Variants in KIF15 observed in about 807,000 individuals in gnomAD.
The protein encoded by KIF15 is kinesin-like protein KIF15.
KIF15 carries 140 observed loss-of-function variants against 190.6 expected under a neutral mutation model. The ratio of observed to expected loss-of-function variants is 0.73; its 90% CI spans 0.64 to 0.84. The LOEUF is 0.84. Ranked by LOEUF, KIF15 falls within the 40% of genes least tolerant of loss-of-function variation. KIF15 has a pLI of 0.00. For missense variants in KIF15, 1,372 were observed against 1,584.4 expected, an observed-to-expected ratio of 0.87 and a Z score of 2.28; for synonymous variants, 528 against 551.3, an observed-to-expected ratio of 0.96 and a Z score of 0.59.
chr3:44,832,603 A>G (rs1698123428), intron 26 of KIF15, among the ~76,000 whole-genome samples: 1 of 152,190 alleles, frequency 6.6e-6, no homozygotes, highest in Non-Finnish European at 1.5e-5. Context: ...TATACATACC[A>G]GTTTTGAATT....
chr3:44,773,059 C>G (rs1705708334), intron 1 of KIF15, among the ~76,000 whole-genome samples: 1 of 150,776 alleles, frequency 6.6e-6, no homozygotes, highest in South Asian at 2.2e-4. Context: ...ACCAACCTCA[C>G]AAATCCTTTT....
chr3:44,804,950 C>T (rs768939020), intron 14 of KIF15, 77 bp from the exon 15 acceptor site: 15 of 1,470,456 alleles, frequency 1.0e-5, no homozygotes, highest in Non-Finnish European at 1.4e-5. Flanking sequence ...AGCCACTGCA[C>T]TCTAGCCTGG....
In KIF15 at chr3:44,775,263, T is replaced by C. The variant is rs962125154; in HGVS notation, c.72T>C (p.Gly24=). 3 of 1,612,908 alleles carry C rather than the reference T, an allele frequency of 1.9e-6. No individual in the cohort carries two copies. The highest frequency in any genetic ancestry group is 2.7e-5 in the African/African-American group (2 of 74,812). ...NGQSNQPSNE[G]DAIKVFVRIR... is the part of the protein sequence containing the mutation. ...TTTTTTTTGTCTTTAGTAATGAAGG[T>C]GATGCCATCAAAGTTTTTGTGCGAA... is the stretch of plus-strand genomic sequence containing the variant. Residue 24 remains glycine (G), a synonymous_variant, in exon 3 of 35, where the codon GGT becomes GGC. Coordinates refer to ENST00000326047, the MANE Select transcript of KIF15 (RefSeq NM_020242.3).
intron 20 of KIF15, among the ~76,000 whole-genome samples, chr3:44,820,098 G>T (rs1708197695): frequency 6.6e-6 from 1 of 151,942 alleles, no homozygotes; most frequent in Non-Finnish European, 1.5e-5. Flanking sequence ...CATTTGCTTG[G>T]TAGATCTTCC....
chr3:44,769,026 C>G (rs1705532849), intron 1 of KIF15, among the ~76,000 whole-genome samples: 1 of 152,014 alleles, frequency 6.6e-6, no homozygotes, highest in African/African-American at 2.4e-5. Flanking sequence ...AAATTTTTAC[C>G]CTTTTGCTGG....
intron 1 of KIF15, among the ~76,000 whole-genome samples, chr3:44,763,664 T>C (rs1173396721): frequency 2.0e-5 from 3 of 151,016 alleles, no homozygotes; most frequent in African/African-American, 4.9e-5. Flanking sequence ...ATCAGAGAAA[T>C]GAAAAAGTGA....
At chr3:44,845,721 A>C (rs1698819034) in intron 30 of KIF15, among the ~76,000 whole-genome samples, 1 of 151,866 alleles carries the variant, frequency 6.6e-6, no homozygotes, top group Admixed American at 6.6e-5. Context: ...TATCACAAGA[A>C]ATTCCTGCAG....
At chr3:44,857,173 T>C (rs750293633), downstream of KIF15, among the ~76,000 whole-genome samples, 6 of 152,030 alleles carry the variant, frequency 3.9e-5, no homozygotes, top group Non-Finnish European at 7.4e-5. Context: ...TCCAGAATAA[T>C]GTGGGAGGCC....
chr3:44,797,564 TA>T lies in KIF15; in HGVS notation c.866del (p.Asn289IlefsTer4), dbSNP rs1164738726. 1 of 1,613,992 alleles carries T rather than the reference TA, an allele frequency of 6.2e-7. No homozygotes were observed. Among genetic ancestry groups the T allele is most frequent in the Admixed American group, 1.7e-5 (1 of 59,960 alleles). On this transcript the variant is annotated frameshift_variant, in exon 9 of 35. Coordinates refer to ENST00000326047, the MANE Select transcript of KIF15 (RefSeq NM_020242.3). LOFTEE classifies it high-confidence loss of function. ...TCAACACTTTAGGAAGCAGGTAACA[TA>T]AATCGATCATTGAGCTGCCTGGGCC... The part of the protein sequence containing the change: ...EGMRLKEAGN[I>X]NRSLSCLGQV...
At chr3:44,763,921 C>T (rs1239370179) in intron 1 of KIF15, among the ~76,000 whole-genome samples, 1 of 152,072 alleles carries the variant, frequency 6.6e-6, no homozygotes, top group Non-Finnish European at 1.5e-5. Flanking sequence ...CTCCTGAACT[C>T]AAGCAATCCA....
At position 44,815,045 on chromosome 3, in the gene KIF15, A is replaced by T. The variant is rs555665907; in HGVS notation, c.2518A>T (p.Met840Leu). 4 of 1,604,080 alleles carry T rather than the reference A, an allele frequency of 2.5e-6. No individual in the cohort carries two copies. Among genetic ancestry groups the T allele is most frequent in the Non-Finnish European group, 3.4e-6 (4 of 1,176,914 alleles). ...ATTCAACAAACTTTCCGAAAGACAC[A>T]TGCATGTACAGCTTCAATTAGATAA... is the stretch of plus-strand genomic sequence containing the variant. ...KEFNKLSERH[M>L]HVQLQLDNLR... Residue 840 changes from methionine (M) to leucine (L), a missense_variant, in exon 20 of 35, where the codon ATG (methionine) becomes TTG (leucine). Transcript: ENST00000326047.
intron 6 of KIF15, among the ~76,000 whole-genome samples, chr3:44,867,302 C>T (rs1354577669): frequency 6.6e-6 from 1 of 152,210 alleles, no homozygotes; most frequent in Non-Finnish European, 1.5e-5. Flanking sequence ...CCTCAGAACC[C>T]TTTGGTCACC....
At chr3:44,856,107 G>A (rs1273300492), downstream of KIF15, among the ~76,000 whole-genome samples, 1 of 152,074 alleles carries the variant, frequency 6.6e-6, no homozygotes, top group Non-Finnish European at 1.5e-5. Flanking sequence ...GAGGTGGGAA[G>A]CCCAAACCCA....
At chr3:44,851,149 C>T (rs144822749) in intron 32 of KIF15, among the ~76,000 whole-genome samples, 128 of 152,206 alleles carry the variant, frequency 8.4e-4, no homozygotes, top group African/African-American at 3.0e-3. Flanking sequence ...GCTGGTAGTC[C>T]TAGATACTCC....
intron 30 of KIF15, among the ~76,000 whole-genome samples, chr3:44,843,676 T>G (rs1185695772): frequency 6.6e-6 from 1 of 152,194 alleles, no homozygotes; most frequent in Non-Finnish European, 1.5e-5. Flanking sequence ...TCACTTGGAT[T>G]TAGACATCTC....
intron 16 of KIF15, among the ~76,000 whole-genome samples, chr3:44,808,701 C>G (rs1707639138): frequency 1.3e-5 from 2 of 151,528 alleles, no homozygotes; most frequent in Admixed American, 6.6e-5. Context: ...TAACTGGTAC[C>G]TAGAGCCTCA....
At chr3:44,850,029 A>G (rs1326888130) in intron 32 of KIF15, among the ~76,000 whole-genome samples, 2 of 152,230 alleles carry the variant, frequency 1.3e-5, no homozygotes, top group East Asian at 3.8e-4. Context: ...TTTTATAGAT[A>G]TAAATGCTGA....
intron 1 of KIF15, among the ~76,000 whole-genome samples, chr3:44,770,857 T>A (rs1326098111): frequency 6.6e-6 from 1 of 152,236 alleles, no homozygotes; most frequent in African/African-American, 2.4e-5. Flanking sequence ...ATAAGTTTCC[T>A]TCACTCTGAA....
intron 11 of KIF15, among the ~76,000 whole-genome samples, chr3:44,801,237 AG>A (rs1291893768): frequency 1.3e-5 from 2 of 149,522 alleles, no homozygotes; most frequent in African/African-American, 4.9e-5. Flanking sequence ...CATGTTGGCC[AG>A]GCTGGTCTCG....
Sources: allele counts gnomAD v4.1 joint callset (sites outside exome capture counted in the v4.1 genomes callset), GRCh38; gene constraint gnomAD v4.1.1; transcripts MANE v1.5; gene names NCBI Gene and HGNC (gene_info 2026-07-23, HGNC 2026-07-21).